Variants in FAM3D observed in about 807,000 individuals in gnomAD.
FAM3D encodes the protein FAM3 metabolism regulating signaling molecule D, also known as protein FAM3D.
FAM3D carries 26 observed loss-of-function variants against 29.8 expected under a neutral mutation model. The observed-to-expected ratio is 0.87, with a 90% confidence interval of 0.64 to 1.21. The LOEUF is 1.21. FAM3D is among the 50% of genes most tolerant of loss of function. The probability of loss-of-function intolerance (pLI) is 0.00; values close to 1 mark genes in which losing one functional copy is unlikely to be tolerated. For synonymous variants in FAM3D, 115 were observed against 102.3 expected (o/e 1.12, Z -0.75); for missense variants, 253 against 290.9 (o/e 0.87, Z 0.95).
At chr3:58,655,695 T>C in intron 1 of FAM3D, 94 bp from the exon 2 acceptor site, 2 of 1,033,580 alleles carry the variant, frequency 1.9e-6, no homozygotes, top group Non-Finnish European at 2.7e-6. Flanking sequence ...ACTGTGGAGA[T>C]CATAATTCTT....
At chr3:58,649,229 C>A in intron 4 of FAM3D, 86 bp downstream of exon 4, 1 of 1,523,108 alleles carries the variant, frequency 6.6e-7, no homozygotes. Flanking sequence ...AGAGCAGGGG[C>A]CCTGGGCCTT....
At chr3:58,665,914 G>T (rs902775101) in intron 1 of FAM3D, among the ~76,000 whole-genome samples, 1 of 152,168 alleles carries the variant, frequency 6.6e-6, no homozygotes, top group Non-Finnish European at 1.5e-5. Flanking sequence ...ATTGATGGGG[G>T]ATATTCAGAC....
At chr3:58,641,621 G>C (rs375644755) in intron 6 of FAM3D, among the ~76,000 whole-genome samples, 6 of 152,254 alleles carry the variant, frequency 3.9e-5, no homozygotes, top group African/African-American at 1.4e-4. Context: ...GCCCACCTCA[G>C]CCTCTCAAAG....
chr3:58,634,486 C>T lies in FAM3D; in HGVS notation c.586-118G>A. The T allele has an allele frequency of 1.2e-6, 1 of 814,666 alleles. No homozygotes were observed. The highest frequency in any genetic ancestry group is 2.6e-5 in the Admixed American group (1 of 38,714). The allele number at this position is 814,666 out of a possible 1,614,324, so 50.5% of individuals were successfully genotyped here. ...GGTGTGGGATGTTATTAACCCACTT[C>T]ACAGATGGGGAAACTGAGGCTCAGA... is the stretch of plus-strand genomic sequence containing the variant. On this transcript the variant is annotated intron_variant, in intron 9 of 9. Coordinates refer to ENST00000358781, the MANE Select transcript of FAM3D (RefSeq NM_138805.3). This position sits in a 1 kb window ranked among gnomAD's most constrained non-coding sequence, Gnocchi z 4.6.
chr3:58,636,204 GC>G, intron 9 of FAM3D, 89 bp downstream of exon 9: 1 of 1,520,020 alleles, frequency 6.6e-7, no homozygotes, highest in South Asian at 1.3e-5. Flanking sequence ...CAATTTTAAG[GC>G]CCCTGGGAGG....
rs368101410 is a variant in FAM3D at position 58,641,536 on chromosome 3, G to T, written c.323-1359C>A. ...CACCCAGCTAATTTTTTTACTTTTT[G>T]TAGAGACGGGGCGGATTCGGGGGGT... On this transcript the variant is annotated intron_variant, in intron 6 of 9. Transcript: ENST00000358781. Among the ~76,000 whole-genome samples the T allele has an allele frequency of 1.0e-3, 156 of 152,066 alleles. 4 individuals carry two copies. The South Asian group carries it at 0.031, about 30-fold the overall frequency.
At chr3:58,637,027 C>T (rs572347093) in intron 8 of FAM3D, 114 bp downstream of exon 8, 10 of 844,052 alleles carry the variant, frequency 1.2e-5, no homozygotes, top group African/African-American at 3.4e-5. Flanking sequence ...ATAATTTCCT[C>T]GAGATAAGTT....
intron 2 of FAM3D, among the ~76,000 whole-genome samples, chr3:58,654,463 C>A (rs950475328): frequency 2.0e-5 from 3 of 152,228 alleles, no homozygotes; most frequent in Non-Finnish European, 4.4e-5. Context: ...AGCCACAGCT[C>A]CCTGGCCCCT....
chr3:58,663,337 A>G (rs2066968323), intron 1 of FAM3D, among the ~76,000 whole-genome samples: 1 of 152,204 alleles, frequency 6.6e-6, no homozygotes, highest in African/African-American at 2.4e-5. Context: ...TGAGCATAGA[A>G]CAACATGGAG....
rs373926007 is a variant in FAM3D, at chr3:58,655,560, T to A, written c.4A>T (p.Arg2Ter). 3 of 1,613,594 alleles carry A rather than the reference T, an allele frequency of 1.9e-6. No individual in the cohort carries two copies. The highest frequency in any genetic ancestry group is 2.5e-6 in the Non-Finnish European group (3 of 1,179,728). M[R>*]VSGVLRLLAL... is the part of the protein sequence containing the mutation. The stretch of plus-strand genomic sequence containing the variant: ...CAATTTCAGAGCCTACCTGACACTC[T>A]CATCCTGTCCAGGTGAAGGGTGGCT... The change falls in exon 2 of 10, where the codon AGA becomes TGA. Residue 2 changes from arginine (R) to a stop codon, truncating the protein, a stop_gained. Transcript: ENST00000358781. LOFTEE classifies it high-confidence loss of function.
chr3:58,648,307 TC>T (rs1444774813), intron 4 of FAM3D, among the ~76,000 whole-genome samples: 2 of 152,188 alleles, frequency 1.3e-5, no homozygotes, highest in Non-Finnish European at 2.9e-5. Context: ...GGCACCCATG[TC>T]CTTCTTAGCC....
intron 5 of FAM3D, among the ~76,000 whole-genome samples, chr3:58,645,012 T>C (rs1418228239): frequency 6.6e-6 from 1 of 152,256 alleles, no homozygotes; most frequent in Non-Finnish European, 1.5e-5. Flanking sequence ...GCACTTGCTG[T>C]CCCAGGGCCT....
chr3:58,653,600 A>G, intron 3 of FAM3D, 74 bp downstream of exon 3: 1 of 1,384,180 alleles, frequency 7.2e-7, no homozygotes, highest in Non-Finnish European at 1.0e-6. Flanking sequence ...TCACCTAGGG[A>G]TGGAGGGAAG....
At position 58,634,316 on chromosome 3, in the gene FAM3D, A is replaced by T; in HGVS notation, c.638T>A (p.Leu213Gln). The T allele has an allele frequency of 6.2e-7, 1 of 1,614,080 alleles. No individual in the cohort carries two copies. Among genetic ancestry groups the T allele is most frequent in the Non-Finnish European group, 8.5e-7 (1 of 1,180,010 alleles). ...CGGGGGCATGCAGCCCTCCATCTCCAGCAGCTCTGGCCATCCCTCGTATTT... is the reference window on the plus strand; with the variant it reads ...CGGGGGCATGCAGCCCTCCATCTCCTGCAGCTCTGGCCATCCCTCGTATTT... Reference protein sequence around the residue: ...TNKYEGWPELLEMEGCMPPKP... With the variant: ...TNKYEGWPELQEMEGCMPPKP... Residue 213 changes from leucine to glutamine, a missense_variant, in exon 10 of 10, where the codon CTG becomes CAG. Physicochemically the swap from Leu to Gln is moderately radical, Grantham distance 113 (BLOSUM62 -2). Coordinates refer to ENST00000358781, the MANE Select transcript of FAM3D (RefSeq NM_138805.3). This position sits in a 1 kb window ranked among gnomAD's most constrained non-coding sequence, Gnocchi z 4.6.
chr3:58,665,372 T>C lies in FAM3D; in HGVS notation c.-39+1204A>G, dbSNP rs560248732. On this transcript the variant is annotated intron_variant, in intron 1 of 9. Coordinates refer to ENST00000358781, the MANE Select transcript of FAM3D (RefSeq NM_138805.3). The stretch of plus-strand genomic sequence containing the variant: ...TCTCAGAGATTCTCCACTGACCCAA[T>C]CTTTTCCTCCCCTGCCCTTCACTCC... 3.1e-4 allele frequency among the ~76,000 whole-genome samples: 47 copies of C among 152,080 alleles called. 1 individual carries two copies. In the South Asian group the frequency reaches 7.7e-3, roughly 25 times the overall value.
chr3:58,654,135 T>A (rs1899823), intron 2 of FAM3D, among the ~76,000 whole-genome samples: 88,184 of 152,118 alleles, frequency 0.58, 27,451 homozygotes, highest in Admixed American at 0.68. Flanking sequence ...GCCTGAGAAC[T>A]GCAGTGGGAG....
At chr3:58,646,430 A>ATGCTGGTGGG (rs2066482609) in intron 4 of FAM3D, among the ~76,000 whole-genome samples, 1 of 152,096 alleles carries the variant, frequency 6.6e-6, no homozygotes, top group South Asian at 2.1e-4. Context: ...CTGGGGGGAG[A>ATGCTGGTGGG]TGCTGGTGGG....
intron 1 of FAM3D, among the ~76,000 whole-genome samples, chr3:58,663,744 G>C (rs1278298847): frequency 6.6e-6 from 1 of 152,222 alleles, no homozygotes; most frequent in East Asian, 1.9e-4. Context: ...ATTTTCACCA[G>C]AACATTCCTC....
rs1400160280 is a variant in FAM3D, at chr3:58,634,141, G to A, written c.*138C>T. On this transcript the variant is annotated 3_prime_UTR_variant, in exon 10 of 10. Transcript: ENST00000358781. The surrounding 1 kb of genome is among the most constrained non-coding windows in gnomAD (Gnocchi z 4.6). Reference sequence around the variant, plus strand: ...GGTTCTGTTTCCGAGGAGGAGAGGCGCGACACAGCGTGCAAGGACCTGCAG... The same window carrying A: ...GGTTCTGTTTCCGAGGAGGAGAGGCACGACACAGCGTGCAAGGACCTGCAG... 1.1e-5 allele frequency: 8 copies of A among 695,676 alleles called. No individual in the cohort carries two copies. The highest frequency in any genetic ancestry group is 7.3e-5 in the South Asian group (4 of 55,016). The allele number at this position is 695,676 out of a possible 1,614,324, so 43.1% of individuals were successfully genotyped here.
Sources: gnomAD v4.1 joint callset for allele counts (sites outside exome capture counted in the v4.1 genomes callset) on GRCh38, gnomAD v4.1.1 for gene constraint, Gnocchi (gnomAD v3.1) non-coding constraint, MANE v1.5 for transcripts, NCBI Gene and HGNC (gene_info 2026-07-23, HGNC 2026-07-21) for gene names.